The following ADK variants were observed in gnomAD, a reference collection of about 807,000 sequenced individuals.
ADK encodes the protein N6,N6-dimethyladenosine kinase.
ADK carries 24 observed loss-of-function variants against 44.7 expected under a neutral mutation model. The observed-to-expected ratio is 0.54, with a 90% CI of 0.39 to 0.76. ADK has a LOEUF of 0.76. ADK is among the 30% of genes least tolerant of loss of function. ADK has a pLI of 0.00. For synonymous variants in ADK, 128 were observed against 142.6 expected, an observed-to-expected ratio of 0.90 and a Z score of 0.73; for missense variants, 321 against 425.1, an observed-to-expected ratio of 0.76 and a Z score of 2.15.
At chr10:74,515,625 G>A (rs537746168) in intron 6 of ADK, among the ~76,000 whole-genome samples, 9 of 152,254 alleles carry the variant, frequency 5.9e-5, no homozygotes, top group South Asian at 2.1e-4. Context: ...GGCCAAGGGC[G>A]TGCCTATGGG....
intron 1 of ADK, among the ~76,000 whole-genome samples, chr10:74,190,936 A>G (rs976250003): frequency 5.3e-5 from 8 of 151,744 alleles, no homozygotes; most frequent in Admixed American, 1.3e-4. Flanking sequence ...GATTGTTGCA[A>G]ACTTTTTGGT....
intron 6 of ADK, among the ~76,000 whole-genome samples, chr10:74,489,703 GGA>G (rs1847405370): frequency 1.3e-5 from 2 of 151,158 alleles, no homozygotes; most frequent in Non-Finnish European, 3.0e-5. Flanking sequence ...TATTCCAACT[GGA>G]ATAATATGGC....
At chr10:74,577,902 CTG>C (rs1164875622) in intron 7 of ADK, among the ~76,000 whole-genome samples, 4 of 152,186 alleles carry the variant, frequency 2.6e-5, no homozygotes, top group Non-Finnish European at 4.4e-5. Flanking sequence ...AAAAATAAAA[CTG>C]TACCCTGTAT....
chr10:74,454,396 T>TA (rs1441533176), intron 6 of ADK, among the ~76,000 whole-genome samples: 16 of 152,108 alleles, frequency 1.1e-4, no homozygotes, highest in Admixed American at 1.0e-3. Context: ...CTTTTTATTT[T>TA]AAAAAATATA....
intron 6 of ADK, among the ~76,000 whole-genome samples, chr10:74,458,055 G>A (rs10824185): frequency 4.9e-4 from 73 of 149,776 alleles, no homozygotes; most frequent in African/African-American, 1.6e-3. Flanking sequence ...AAAAAGATTG[G>A]GTATTTCACA....
chr10:74,382,111 T>C (rs1042541162), intron 4 of ADK, among the ~76,000 whole-genome samples: 2 of 152,156 alleles, frequency 1.3e-5, no homozygotes, highest in Non-Finnish European at 2.9e-5. Flanking sequence ...CCTTTTTCTT[T>C]TCTCGAGACA....
intron 6 of ADK, among the ~76,000 whole-genome samples, chr10:74,454,446 T>C (rs1213277669): frequency 3.9e-5 from 6 of 152,178 alleles, no homozygotes; most frequent in African/African-American, 1.4e-4. Flanking sequence ...TGTAACTTTA[T>C]GCCATACTAA....
rs750638068 is a variant in ADK, at chr10:74,394,302, T to G, written c.435T>G (p.Thr145=). The change falls in exon 5 of 11, where the codon ACT becomes ACG. Residue 145 remains threonine (T), a synonymous_variant. Transcript: ENST00000539909. ...QPTGTCAACI[T]GDNRSLIANL... is the part of the protein sequence containing the mutation. ...CAGGAACTTGTGCTGCATGCATCACTGGTGACAACAGGTCAGTGTAATTCC... is the reference window on the plus strand; with the variant it reads ...CAGGAACTTGTGCTGCATGCATCACGGGTGACAACAGGTCAGTGTAATTCC... 6.2e-7 allele frequency: 1 copy of G among 1,613,914 alleles called. No homozygotes were observed. Among genetic ancestry groups the G allele is most frequent in the Non-Finnish European group, 8.5e-7 (1 of 1,179,904 alleles).
intron 6 of ADK, among the ~76,000 whole-genome samples, chr10:74,453,313 A>T (rs1238052317): frequency 6.6e-6 from 1 of 152,118 alleles, no homozygotes; most frequent in Non-Finnish European, 1.5e-5. Context: ...AATGGCTCTA[A>T]TTACCTCAGC....
chr10:74,698,874 G>T (rs572539251), intron 10 of ADK, among the ~76,000 whole-genome samples: 3,329 of 150,110 alleles, frequency 0.022, 43 homozygotes, highest in Non-Finnish European at 0.028. Context: ...TTGTTTTTTT[G>T]TTGTTGTTGT....
intron 7 of ADK, among the ~76,000 whole-genome samples, chr10:74,572,697 T>C (rs367553829): frequency 3.3e-5 from 5 of 152,100 alleles, no homozygotes; most frequent in Non-Finnish European, 5.9e-5. Context: ...AGGCTTTGTT[T>C]GTTTCTTTTT....
At chr10:74,511,586 A>C (rs1848327755) in intron 6 of ADK, among the ~76,000 whole-genome samples, 1 of 152,042 alleles carries the variant, frequency 6.6e-6, no homozygotes, top group Non-Finnish European at 1.5e-5. Context: ...TGCCTTTTTG[A>C]ATTCTTGTTC....
At chr10:74,707,327 T>C (rs1856638879) in intron 10 of ADK, among the ~76,000 whole-genome samples, 2 of 152,222 alleles carry the variant, frequency 1.3e-5, no homozygotes, top group African/African-American at 2.4e-5. Flanking sequence ...TGAGCCACGA[T>C]GCCTGGCTTA....
chr10:74,320,059 TCTTTA>T (rs1246485421), intron 4 of ADK, among the ~76,000 whole-genome samples: 1 of 152,304 alleles, frequency 6.6e-6, no homozygotes, highest in East Asian at 1.9e-4. Flanking sequence ...TTACCAGAGT[TCTTTA>T]CTTCTTCATA....
intron 4 of ADK, among the ~76,000 whole-genome samples, chr10:74,333,433 C>T (rs1302489372): frequency 6.6e-6 from 1 of 152,114 alleles, no homozygotes; most frequent in Non-Finnish European, 1.5e-5. Context: ...TTTGCTGCCT[C>T]CCATGTAACA....
chr10:74,326,352 C>T, intron 4 of ADK, among the ~76,000 whole-genome samples: 1 of 151,218 alleles, frequency 6.6e-6, no homozygotes, highest in Non-Finnish European at 1.5e-5. Flanking sequence ...TACCCCAGCA[C>T]TTTGGGAGGC....
intron 6 of ADK, among the ~76,000 whole-genome samples, chr10:74,443,719 T>TA (rs1845502150): frequency 6.6e-6 from 1 of 152,150 alleles, no homozygotes; most frequent in South Asian, 2.1e-4. Flanking sequence ...GCTTTTATTT[T>TA]AAAAAATAGA....
chr10:74,311,587 AAC>A (rs1224108939), intron 3 of ADK, among the ~76,000 whole-genome samples: 2 of 152,244 alleles, frequency 1.3e-5, no homozygotes, highest in African/African-American at 2.4e-5. Context: ...ATTTATTAAA[AAC>A]ACATAAATCA....
At chr10:74,547,082 G>T in intron 7 of ADK, among the ~76,000 whole-genome samples, 1 of 151,994 alleles carries the variant, frequency 6.6e-6, no homozygotes, top group East Asian at 1.9e-4. Flanking sequence ...ATTTTGAAAT[G>T]ATTTACAATC....
Sources: gnomAD v4.1 joint callset for allele counts (sites outside exome capture counted in the v4.1 genomes callset) on GRCh38, gnomAD v4.1.1 for gene constraint, MANE v1.5 for transcripts, NCBI Gene and HGNC (gene_info 2026-07-23, HGNC 2026-07-21) for gene names.